The following CDH8 variants were observed in gnomAD, a reference collection of about 807,000 sequenced individuals.
The protein encoded by CDH8 is cadherin-8.
Under a neutral mutation model 68.1 loss-of-function variants are expected in CDH8, and 17 were observed. The ratio of observed to expected loss-of-function variants is 0.25; its 90% CI spans 0.17 to 0.37. The LOEUF (loss-of-function observed/expected upper bound fraction) is 0.37. Ranked by LOEUF, CDH8 falls within the 10% of genes least tolerant of loss-of-function variation. The pLI is 1.00. For missense variants in CDH8, 763 were observed against 999.3 expected, an observed-to-expected ratio of 0.76 and a Z score of 3.19; for synonymous variants, 372 against 365.1, an observed-to-expected ratio of 1.02 and a Z score of -0.21.
chr16:62,008,298 T>A (rs1438583881), intron 2 of CDH8, among the ~76,000 whole-genome samples: 1 of 152,164 alleles, frequency 6.6e-6, no homozygotes, highest in Non-Finnish European at 1.5e-5. Flanking sequence ...TTTGGATTTA[T>A]GTCTCACCCT....
intron 10 of CDH8, among the ~76,000 whole-genome samples, chr16:61,665,789 T>TTCCTTCCTTCCTTCCTTCCTTTCCC (rs1963660702): frequency 8.0e-6 from 1 of 125,698 alleles, no homozygotes; most frequent in Non-Finnish European, 1.8e-5. Context: ...CCTTCCTTCC[T>TTCCTTCCTTCCTTCCTTCCTTTCCC]TCCTTCCTTC....
At chr16:61,912,175 T>C (rs1353104501) in intron 2 of CDH8, among the ~76,000 whole-genome samples, 2 of 151,996 alleles carry the variant, frequency 1.3e-5, no homozygotes, top group South Asian at 2.1e-4. Context: ...AAAAGGAGTA[T>C]GGGGCAATCA....
chr16:61,861,201 G>A (rs1963143224), intron 3 of CDH8, among the ~76,000 whole-genome samples: 1 of 152,062 alleles, frequency 6.6e-6, no homozygotes, highest in African/African-American at 2.4e-5. Context: ...ATATTTTCAG[G>A]CAGTTTGATA....
At chr16:61,709,687 G>A (rs957946882) in intron 10 of CDH8, among the ~76,000 whole-genome samples, 10 of 151,876 alleles carry the variant, frequency 6.6e-5, no homozygotes. Flanking sequence ...CTACCATTGT[G>A]TGGAGAAACC....
chr16:61,957,580 A>G (rs868077401), intron 2 of CDH8, among the ~76,000 whole-genome samples: 1 of 139,102 alleles, frequency 7.2e-6, no homozygotes, highest in Non-Finnish European at 1.5e-5. Context: ...ATATAGATAT[A>G]TGAACATATA....
At chr16:61,732,659 A>G (rs996179690) in intron 8 of CDH8, among the ~76,000 whole-genome samples, 3 of 151,888 alleles carry the variant, frequency 2.0e-5, no homozygotes, top group African/African-American at 7.2e-5. Flanking sequence ...GATCCTAGAC[A>G]ATAATTCTAA....
intron 10 of CDH8, among the ~76,000 whole-genome samples, chr16:61,672,610 T>C (rs1963820677): frequency 6.6e-6 from 1 of 152,038 alleles, no homozygotes; most frequent in African/African-American, 2.4e-5. Flanking sequence ...ATATGCAAGA[T>C]TATCAGTTAT....
chr16:61,798,483 C>G (rs988806121), intron 7 of CDH8, among the ~76,000 whole-genome samples: 3 of 152,118 alleles, frequency 2.0e-5, no homozygotes, highest in Non-Finnish European at 4.4e-5. Flanking sequence ...AGCTATCTAG[C>G]TAGTGTAACT....
At chr16:61,656,021 A>T (rs563427533) in intron 10 of CDH8, among the ~76,000 whole-genome samples, 1 of 151,922 alleles carries the variant, frequency 6.6e-6, no homozygotes, top group African/African-American at 2.4e-5. Flanking sequence ...TACAGGTGCC[A>T]GCCACCACAC....
At chr16:61,845,265 C>G (rs1409598567) in intron 4 of CDH8, among the ~76,000 whole-genome samples, 1 of 152,064 alleles carries the variant, frequency 6.6e-6, no homozygotes, top group East Asian at 1.9e-4. Flanking sequence ...TTATTATTAT[C>G]TTCATTTACA....
At position 61,972,569 on chromosome 16, in the gene CDH8, T is replaced by TGGG. The variant is rs10629724; in HGVS notation, c.252+48580_252+48582dup. On this transcript the variant is annotated intron_variant, in intron 2 of 11. Transcript: ENST00000577390. ...TCTTTTTTTTTCTGGGAACACATTG[T>TGGG]GGGTGTGTGTGTGTGTGTGTGTGTG... 2.9e-3 allele frequency among the ~76,000 whole-genome samples: 284 copies of TGGG among 98,190 alleles called. 1 individual carries two copies. Among genetic ancestry groups the TGGG allele is most frequent in the African/African-American group, 0.012 (269 of 22,996 alleles). 64.4% of individuals were successfully genotyped at this position (98,190 alleles called of 152,430 possible). A position where few individuals can be genotyped will look rare whatever the true frequency, so the allele number is the denominator to read the frequency against.
At chr16:61,785,152 G>C (rs535137964) in intron 8 of CDH8, among the ~76,000 whole-genome samples, 3 of 131,216 alleles carry the variant, frequency 2.3e-5, no homozygotes, top group Non-Finnish European at 4.8e-5. Flanking sequence ...TCCAGGAGCT[G>C]GTTTTTTGAA....
At chr16:61,925,097 G>T (rs1331344951) in intron 2 of CDH8, among the ~76,000 whole-genome samples, 1 of 152,116 alleles carries the variant, frequency 6.6e-6, no homozygotes, top group Non-Finnish European at 1.5e-5. Context: ...ACACATTGAG[G>T]TACACACATA....
At chr16:61,987,211 A>T (rs1409054308) in intron 2 of CDH8, among the ~76,000 whole-genome samples, 1 of 152,188 alleles carries the variant, frequency 6.6e-6, no homozygotes, top group Non-Finnish European at 1.5e-5. Flanking sequence ...AGTCTTTAAA[A>T]TAATCCTTAG....
intron 2 of CDH8, among the ~76,000 whole-genome samples, chr16:61,921,163 G>C (rs1405640989): frequency 6.7e-6 from 1 of 149,650 alleles, no homozygotes; most frequent in Non-Finnish European, 1.5e-5. Flanking sequence ...TAGATGACGA[G>C]TTGGTGGGTG....
intron 8 of CDH8, among the ~76,000 whole-genome samples, chr16:61,741,649 A>G (rs1051660552): frequency 1.3e-5 from 2 of 152,064 alleles, no homozygotes. Flanking sequence ...CATCTTTGTT[A>G]TAATTCAGTT....
chr16:61,903,008 G>A (rs1964003855), intron 2 of CDH8, among the ~76,000 whole-genome samples: 1 of 151,946 alleles, frequency 6.6e-6, no homozygotes. Context: ...ATTTTCATTA[G>A]CATTTTTATT....
At chr16:61,673,314 C>T (rs1408020838) in intron 10 of CDH8, among the ~76,000 whole-genome samples, 2 of 152,030 alleles carry the variant, frequency 1.3e-5, no homozygotes, top group Non-Finnish European at 1.5e-5. Context: ...TGGAATATTT[C>T]AACTATTAAG....
chr16:61,898,014 A>G (rs946701369), intron 3 of CDH8, among the ~76,000 whole-genome samples: 2 of 152,124 alleles, frequency 1.3e-5, no homozygotes, highest in African/African-American at 4.8e-5. Flanking sequence ...TAAAGAAACA[A>G]TTTTGGGCCA....
Sources: allele counts gnomAD v4.1 joint callset (sites outside exome capture counted in the v4.1 genomes callset), GRCh38; gene constraint gnomAD v4.1.1; transcripts MANE v1.5; gene names NCBI Gene and HGNC (gene_info 2026-07-23, HGNC 2026-07-21).